The following RYR2 variants were observed in gnomAD, a reference collection of about 807,000 sequenced individuals.
The protein encoded by RYR2 is cardiac muscle ryanodine receptor-calcium release channel.
In RYR2, 227 loss-of-function variants were observed where a neutral mutation model predicts 601.1. The ratio of observed to expected loss-of-function variants is 0.38; its 90% CI spans 0.34 to 0.42. RYR2 has a LOEUF of 0.42. Among genes scored for constraint, RYR2 ranks in the 10% least tolerant of loss-of-function variants. The pLI is 1.00. For synonymous variants in RYR2, 2,223 were observed against 2,175.1 expected (o/e 1.02, Z -0.61); for missense variants, 4,646 against 6,156.5 (o/e 0.75, Z 8.21).
At chr1:237,337,251 C>CAA (rs1402777135) in intron 3 of RYR2, among the ~76,000 whole-genome samples, 1,406 of 65,328 alleles carry the variant, frequency 0.022, 38 homozygotes, top group African/African-American at 0.06. Context: ...GTATCCATCT[C>CAA]AAAAAAAAAA....
At chr1:237,098,566 G>A (rs745574794) in intron 1 of RYR2, among the ~76,000 whole-genome samples, 1 of 152,152 alleles carries the variant, frequency 6.6e-6, no homozygotes. Context: ...AGAAAATGTG[G>A]TATATATACA....
chr1:237,143,069 TG>T (rs1440272197), intron 1 of RYR2, among the ~76,000 whole-genome samples: 1 of 152,208 alleles, frequency 6.6e-6, no homozygotes, highest in East Asian at 1.9e-4. Context: ...TTGTCTTCAG[TG>T]AGTAACCCTT....
At chr1:237,726,237 C>CT in intron 74 of RYR2, 36 bp from the exon 75 acceptor site, 1 of 1,430,438 alleles carries the variant, frequency 7.0e-7, no homozygotes, top group Non-Finnish European at 9.7e-7. Context: ...TGTAGTTTTA[C>CT]TTTTTTAGCT....
At chr1:237,222,709 G>A (rs1230045012) in intron 1 of RYR2, among the ~76,000 whole-genome samples, 2 of 152,216 alleles carry the variant, frequency 1.3e-5, no homozygotes, top group East Asian at 1.9e-4. Flanking sequence ...CCTACTAGTA[G>A]TCCAGTAGTA....
chr1:237,588,689 C>T (rs912620031), intron 29 of RYR2, among the ~76,000 whole-genome samples: 10 of 152,088 alleles, frequency 6.6e-5, no homozygotes, highest in Non-Finnish European at 1.2e-4. Flanking sequence ...AAAAATTAGC[C>T]GGACGCAGTG....
At chr1:237,232,548 T>C (rs761981015) in intron 1 of RYR2, among the ~76,000 whole-genome samples, 1 of 152,156 alleles carries the variant, frequency 6.6e-6, no homozygotes, top group African/African-American at 2.4e-5. Flanking sequence ...TAAATATAAG[T>C]AGGTGTTTCT....
Position 237,497,063 on chromosome 1 carries a change from G to A in RYR2, c.2203+311G>A, listed in dbSNP as rs149919316. Among the ~76,000 whole-genome samples the A allele has an allele frequency of 8.7e-4, 133 of 152,304 alleles. 2 individuals carry two copies. The East Asian group carries it at 0.02, about 23-fold the overall frequency. ...ACTGTGTATTTAAAGAGTGCATTCC[G>A]AAGCATGAATGAACTGCAAGAAACT... On this transcript the variant is annotated intron_variant, in intron 20 of 104. Transcript: ENST00000366574.
chr1:237,551,181 A>G (rs1313428655), intron 27 of RYR2, among the ~76,000 whole-genome samples: 1 of 152,210 alleles, frequency 6.6e-6, no homozygotes, highest in African/African-American at 2.4e-5. Context: ...GTTGAACACA[A>G]TGGATTTTTA....
rs151307311 is a variant in RYR2, at chr1:237,180,624, G to GTATATATGTATATGTGTA, written c.49-89868_49-89867insATGTATATGTGTATATAT. 0.13 allele frequency among the ~76,000 whole-genome samples: 15,869 copies of GTATATATGTATATGTGTA among 122,926 alleles called. 1,563 individuals are homozygous for GTATATATGTATATGTGTA. The highest frequency in any genetic ancestry group is 0.28 in the African/African-American group (9,807 of 34,522). 80.6% of individuals were successfully genotyped at this position (122,926 alleles called of 152,430 possible). On this transcript the variant is annotated intron_variant, in intron 1 of 104. Transcript: ENST00000366574. This position sits in a 1 kb window ranked among gnomAD's most constrained non-coding sequence, Gnocchi z 5.3. ...TATATATATGTATATATGTATATAT[G>GTATATATGTATATGTGTA]TATATGTGTATATATGTATATGTAT...
Position 237,649,866 on chromosome 1 carries a change from T to C in RYR2, c.7513-11T>C, listed in dbSNP as rs1244210339. ...ACACAAATGGCCTTCTACTCTCTGA[T>C]TCTTTTTCAGGCAGCTTTGAGTGCT... On this transcript the variant is annotated splice_polypyrimidine_tract_variant and intron_variant, in intron 49 of 104. Coordinates refer to ENST00000366574, the MANE Select transcript of RYR2 (RefSeq NM_001035.3). 6.2e-7 allele frequency: 1 copy of C among 1,611,780 alleles called. No homozygotes were observed. Among genetic ancestry groups the C allele is most frequent in the Non-Finnish European group, 8.5e-7 (1 of 1,178,552 alleles).
Position 237,687,457 on chromosome 1 carries a change from T to A in RYR2, c.9020T>A (p.Leu3007Gln). 6.4e-7 allele frequency: 1 copy of A among 1,564,642 alleles called. No homozygotes were observed. Among genetic ancestry groups the A allele is most frequent in the Non-Finnish European group, 8.7e-7 (1 of 1,146,418 alleles). The change falls in exon 63 of 105, where the codon CTA becomes CAA. Residue 3007 changes from leucine to glutamine, a missense_variant and splice_region_variant. Leu to Gln is a moderately radical substitution (Grantham distance 113, BLOSUM62 -2). This residue lies in a region of RYR2 where 1,497 missense variants were observed against 1,842.6 expected (regional missense o/e 0.81). Coordinates refer to ENST00000366574, the MANE Select transcript of RYR2 (RefSeq NM_001035.3). ...TTTTGTTTTTCTTTTGTCTTCAGCC[T>A]ATTCTGCAAACTTGGAGTTCTTGTC... ...SNKEKEMVTS[L>Q]FCKLGVLVRH...
intron 97 of RYR2, chr1:237,800,142 A>G (rs1363833766): frequency 3.3e-5 from 5 of 152,232 alleles, no homozygotes; most frequent in Admixed American, 6.5e-5. Flanking sequence ...GAGATGGAAA[A>G]TAACTCATAA....
chr1:237,732,108 G>T lies in RYR2; in HGVS notation c.10998G>T (p.Gln3666His). ...EGTKRVDPLH[Q>H]LILLFSRTAL... ...CTAAGAGAGTTGATCCTCTACATCA[G>T]CTGATCCTTCTGTTTAGTCGGACAG... Residue 3666 changes from glutamine (Q) to histidine (H), a missense_variant, in exon 78 of 105, where the codon CAG becomes CAT. Coordinates refer to ENST00000366574, the MANE Select transcript of RYR2 (RefSeq NM_001035.3). The T allele has an allele frequency of 6.2e-7, 1 of 1,611,902 alleles. No individual in the cohort carries two copies. Among genetic ancestry groups the T allele is most frequent in the East Asian group, 2.2e-5 (1 of 44,844 alleles).
intron 36 of RYR2, among the ~76,000 whole-genome samples, chr1:237,613,394 T>C (rs1331648881): frequency 6.6e-6 from 1 of 152,246 alleles, no homozygotes; most frequent in Non-Finnish European, 1.5e-5. Flanking sequence ...CACTCAGTGA[T>C]ATTTGATGAA....
chr1:237,680,368 A>G, intron 61 of RYR2, 88 bp from the exon 62 acceptor site: 1 of 1,106,122 alleles, frequency 9.0e-7, no homozygotes, highest in Non-Finnish European at 1.3e-6. Flanking sequence ...GCATGTGAAC[A>G]GAACTCTGAC....
chr1:237,595,374 C>A, intron 33 of RYR2, 124 bp from the exon 34 acceptor site: 2 of 1,103,514 alleles, frequency 1.8e-6, no homozygotes, highest in African/African-American at 1.6e-5. Context: ...GCCTATTGTG[C>A]ACCTCTCCCA....
intron 16 of RYR2, among the ~76,000 whole-genome samples, chr1:237,464,098 A>C (rs1357199149): frequency 6.6e-6 from 1 of 152,168 alleles, no homozygotes; most frequent in African/African-American, 2.4e-5. Flanking sequence ...TTGCAGAATA[A>C]CACGTGTGTA....
chr1:237,508,743 T>C (rs974667182), intron 23 of RYR2, among the ~76,000 whole-genome samples: 8 of 133,704 alleles, frequency 6.0e-5, no homozygotes, highest in Admixed American at 2.3e-4. Flanking sequence ...TCTTTTTTTT[T>C]TTTTTTTTTT....
At chr1:237,083,502 T>C (rs1277727422) in intron 1 of RYR2, among the ~76,000 whole-genome samples, 1 of 152,102 alleles carries the variant, frequency 6.6e-6, no homozygotes, top group African/African-American at 2.4e-5. Context: ...TATTCCACAG[T>C]CATCTCTCCT....
Sources: gnomAD v4.1 joint callset for allele counts (sites outside exome capture counted in the v4.1 genomes callset) on GRCh38, gnomAD v4.1.1 for gene constraint, gnomAD v4.1.1 regional missense constraint, Gnocchi (gnomAD v3.1) non-coding constraint, MANE v1.5 for transcripts, NCBI Gene and HGNC (gene_info 2026-07-23, HGNC 2026-07-21) for gene names.